Variants in POU6F2 observed in about 807,000 individuals in gnomAD.
POU6F2 encodes the protein POU class 6 homeobox 2.
POU6F2 carries 31 observed loss-of-function variants against 71.3 expected under a neutral mutation model. The observed-to-expected ratio is 0.43, with a 90% CI of 0.33 to 0.59. POU6F2 has a LOEUF of 0.59. Among genes scored for constraint, POU6F2 ranks in the 20% least tolerant of loss-of-function variants. The pLI, the probability that POU6F2 is intolerant of heterozygous loss-of-function variation, is 0.04. For synonymous variants in POU6F2, 347 were observed against 355.7 expected (o/e 0.98, Z 0.27); for missense variants, 783 against 856.8 (o/e 0.91, Z 1.07).
intron 1 of POU6F2, among the ~76,000 whole-genome samples, chr7:39,041,594 C>T (rs117228993): frequency 1.4e-3 from 212 of 151,894 alleles, no homozygotes; most frequent in Non-Finnish European, 2.2e-3. Context: ...ATTTGAATGT[C>T]TTTTTGATTT....
At chr7:39,067,887 A>G (rs1294007384) in intron 1 of POU6F2, among the ~76,000 whole-genome samples, 2 of 152,216 alleles carry the variant, frequency 1.3e-5, no homozygotes, top group African/African-American at 2.4e-5. Context: ...TCCATCTAAT[A>G]GGTTAGAAAA....
At chr7:39,441,894 C>T (rs1788415045) in intron 7 of POU6F2, among the ~76,000 whole-genome samples, 1 of 152,062 alleles carries the variant, frequency 6.6e-6, no homozygotes, top group African/African-American at 2.4e-5. Context: ...GAGCACATGG[C>T]TTTATGTGAA....
rs1471807473 is a variant in POU6F2, at chr7:39,451,695, G to T, written c.1483G>T (p.Val495Phe). The T allele has an allele frequency of 4.4e-6, 7 of 1,587,970 alleles. No homozygotes were observed. The highest frequency in any genetic ancestry group is 5.1e-6 in the Non-Finnish European group (6 of 1,166,878). ...TTCAGCTTTGAGCGTGGGCCAGTTA[G>T]TCAGCAGTAAGTATCCTTTCTGGCT... ...SSSALSVGQL[V>F]SNPQTAAGEV... is the part of the protein sequence containing the mutation. Residue 495 changes from valine to phenylalanine, a missense_variant, in exon 8 of 10, where the codon GTC becomes TTC. Val to Phe is a conservative substitution (Grantham distance 50). Around this residue, in one of 2 missense-constraint regions of POU6F2, gnomAD observed 572 missense variants for 572.9 expected, o/e 1.00. Coordinates refer to ENST00000518318, the MANE Select transcript of POU6F2 (RefSeq NM_001370959.1).
At chr7:39,404,832 TAGGTAGTCTACAAACA>T (rs1787386079) in intron 5 of POU6F2, 1 of 152,182 alleles carries the variant, frequency 6.6e-6, no homozygotes, top group Non-Finnish European at 1.5e-5. Context: ...CTTCTCACTT[TAGGTAGTCTACAAACA>T]AGGAGAGTTA....
intron 2 of POU6F2, among the ~76,000 whole-genome samples, chr7:39,148,001 A>G (rs781117544): frequency 2.4e-4 from 36 of 152,130 alleles, no homozygotes; most frequent in Non-Finnish European, 4.3e-4. Context: ...ACTTCTTTCC[A>G]CCCCTAGGCA....
intron 1 of POU6F2, 144 bp from the exon 2 acceptor site, chr7:39,085,716 C>A: frequency 1.2e-6 from 1 of 826,234 alleles, no homozygotes; most frequent in Non-Finnish European, 1.9e-6. Flanking sequence ...ACAGCGGGAG[C>A]AGCCAGAGAT....
chr7:39,317,125 T>A (rs1785283669), intron 4 of POU6F2, among the ~76,000 whole-genome samples: 1 of 152,118 alleles, frequency 6.6e-6, no homozygotes, highest in Non-Finnish European at 1.5e-5. Flanking sequence ...TCCCACCCCC[T>A]CCGCAGTAAG....
At chr7:39,318,637 C>A (rs550952224) in intron 4 of POU6F2, among the ~76,000 whole-genome samples, 2 of 152,266 alleles carry the variant, frequency 1.3e-5, no homozygotes, top group Admixed American at 1.3e-4. Flanking sequence ...AGGAAAAAAA[C>A]AAAGCAAGGC....
intron 4 of POU6F2, among the ~76,000 whole-genome samples, chr7:39,276,826 C>G (rs1784449432): frequency 6.6e-6 from 1 of 150,624 alleles, no homozygotes; most frequent in Non-Finnish European, 1.5e-5. Context: ...ACCGCATGTT[C>G]TCAGTCATAG....
intron 4 of POU6F2, among the ~76,000 whole-genome samples, chr7:39,234,109 A>G (rs1423472355): frequency 6.6e-6 from 1 of 152,194 alleles, no homozygotes; most frequent in Non-Finnish European, 1.5e-5. Flanking sequence ...AGCCCAGGAT[A>G]TTGTAATCCC....
At chr7:39,172,665 G>C (rs1014543013) in intron 2 of POU6F2, among the ~76,000 whole-genome samples, 22 of 147,534 alleles carry the variant, frequency 1.5e-4, no homozygotes, top group African/African-American at 5.0e-4. Context: ...CTGTTGCCCA[G>C]ACTGAAGTGC....
intron 4 of POU6F2, among the ~76,000 whole-genome samples, chr7:39,331,962 C>A (rs1785663347): frequency 6.6e-6 from 1 of 152,058 alleles, no homozygotes; most frequent in Non-Finnish European, 1.5e-5. Flanking sequence ...TTCTTATTGC[C>A]CTTCCTTTTG....
chr7:39,099,416 C>A (rs1791523973), intron 2 of POU6F2, among the ~76,000 whole-genome samples: 1 of 152,218 alleles, frequency 6.6e-6, no homozygotes, highest in South Asian at 2.1e-4. Context: ...CCAGGCCAAG[C>A]ACTTCTATCT....
intron 1 of POU6F2, among the ~76,000 whole-genome samples, chr7:38,986,934 G>A (rs1273329118): frequency 1.3e-5 from 2 of 152,058 alleles, no homozygotes; most frequent in African/African-American, 4.8e-5. Flanking sequence ...GAATAGATCT[G>A]CATCCTTCTC....
At chr7:39,402,617 G>T (rs1787330244) in intron 5 of POU6F2, among the ~76,000 whole-genome samples, 1 of 151,980 alleles carries the variant, frequency 6.6e-6, no homozygotes, top group Non-Finnish European at 1.5e-5. Context: ...TGCTGACCCT[G>T]GCTTCAGACT....
chr7:39,258,216 T>C (rs1259952926), intron 4 of POU6F2, among the ~76,000 whole-genome samples: 1 of 152,236 alleles, frequency 6.6e-6, no homozygotes. Flanking sequence ...TACATATTTT[T>C]ATTTTTTTAT....
In POU6F2 at chr7:39,303,923, G is replaced by A. The variant is rs368618332; in HGVS notation, c.599-35719G>A. Among the ~76,000 whole-genome samples the A allele has an allele frequency of 3.2e-4, 48 of 152,162 alleles. No homozygotes were observed. The South Asian group carries it at 8.3e-3, about 26-fold the overall frequency. ...AAAATTATTAACTTCAGCCTTCTCC[G>A]TCTTCCACATCAATCCACTTCAAAC... On this transcript the variant is annotated intron_variant, in intron 4 of 9. Coordinates refer to ENST00000518318, the MANE Select transcript of POU6F2 (RefSeq NM_001370959.1).
intron 4 of POU6F2, among the ~76,000 whole-genome samples, chr7:39,323,111 T>TAAAA (rs35837057): frequency 2.8e-5 from 4 of 141,916 alleles, no homozygotes; most frequent in Non-Finnish European, 6.2e-5. Context: ...CAGGAAGATT[T>TAAAA]AAAAAAAAAA....
At chr7:39,435,344 T>C (rs1788214682) in intron 7 of POU6F2, among the ~76,000 whole-genome samples, 1 of 152,246 alleles carries the variant, frequency 6.6e-6, no homozygotes, top group Non-Finnish European at 1.5e-5. Flanking sequence ...CATGAGATGG[T>C]ATCTCATTGT....
Sources: gnomAD v4.1 joint callset for allele counts (sites outside exome capture counted in the v4.1 genomes callset) on GRCh38, gnomAD v4.1.1 for gene constraint, gnomAD v4.1.1 regional missense constraint, MANE v1.5 for transcripts, NCBI Gene and HGNC (gene_info 2026-07-23, HGNC 2026-07-21) for gene names.